ZNF385B: variants seen among roughly 807,000 people sequenced by gnomAD.
ZNF385B encodes the protein zinc finger protein 533.
A neutral mutation model predicts 39.2 loss-of-function variants in ZNF385B; 23 were observed. That is an observed-to-expected ratio of 0.59 (90% CI 0.42 to 0.83). The LOEUF is 0.83. ZNF385B is among the 40% of genes least tolerant of loss of function. The probability of loss-of-function intolerance (pLI) is 0.00; values close to 1 mark genes in which losing one functional copy is unlikely to be tolerated. For missense variants in ZNF385B, 552 were observed against 598.9 expected, an observed-to-expected ratio of 0.92 and a Z score of 0.82; for synonymous variants, 205 against 222.6, an observed-to-expected ratio of 0.92 and a Z score of 0.70.
intron 1 of ZNF385B, among the ~76,000 whole-genome samples, chr2:179,785,173 A>G (rs552344126): frequency 2.0e-5 from 3 of 152,214 alleles, no homozygotes; most frequent in Admixed American, 2.0e-4. Flanking sequence ...AAACAAATCA[A>G]TGCTCTTAGA....
intron 4 of ZNF385B, among the ~76,000 whole-genome samples, chr2:179,533,080 T>A (rs1427356217): frequency 6.6e-6 from 1 of 152,168 alleles, no homozygotes; most frequent in Non-Finnish European, 1.5e-5. Context: ...AAATGAAGGT[T>A]CCCCAGATGC....
At chr2:179,596,432 T>C (rs950784920) in intron 3 of ZNF385B, among the ~76,000 whole-genome samples, 2 of 152,200 alleles carry the variant, frequency 1.3e-5, no homozygotes, top group East Asian at 1.9e-4. Context: ...TCTGCTGATA[T>C]AATTTTCTCA....
chr2:179,548,679 T>C (rs765528322), intron 3 of ZNF385B, among the ~76,000 whole-genome samples: 1 of 149,362 alleles, frequency 6.7e-6, no homozygotes, highest in Non-Finnish European at 1.5e-5. Context: ...ATGTCTCACA[T>C]GGTGGCAGGC....
At chr2:179,767,064 C>T (rs1036741150) in intron 3 of ZNF385B, among the ~76,000 whole-genome samples, 1 of 152,162 alleles carries the variant, frequency 6.6e-6, no homozygotes, top group Non-Finnish European at 1.5e-5. Context: ...GAACAGACGA[C>T]ACAATCTTGC....
chr2:179,696,326 C>CTTTTTTTTTTTTTTT (rs71029828), intron 3 of ZNF385B, among the ~76,000 whole-genome samples: 860 of 40,346 alleles, frequency 0.021, 349 homozygotes, highest in Admixed American at 0.03. Flanking sequence ...CAAACTGGGA[C>CTTTTTTTTTTTTTTT]TTTTTTTTTT....
At chr2:179,831,772 G>C (rs976242841) in intron 1 of ZNF385B, among the ~76,000 whole-genome samples, 18 of 152,270 alleles carry the variant, frequency 1.2e-4, no homozygotes, top group African/African-American at 4.3e-4. Context: ...ATCAGGAGTG[G>C]GGAGGCCATT....
At chr2:179,739,049 A>T (rs75371721) in intron 3 of ZNF385B, among the ~76,000 whole-genome samples, 12,635 of 152,252 alleles carry the variant, frequency 0.083, 609 homozygotes, top group Non-Finnish European at 0.11. Flanking sequence ...CACCACTGCA[A>T]ATTCAAATCT....
chr2:179,834,721 A>G (rs1708156264), intron 1 of ZNF385B, among the ~76,000 whole-genome samples: 1 of 152,216 alleles, frequency 6.6e-6, no homozygotes, highest in South Asian at 2.1e-4. Flanking sequence ...AATCTTAGTT[A>G]TTGATTGCAA....
intron 1 of ZNF385B, among the ~76,000 whole-genome samples, chr2:179,798,257 T>A (rs1001701227): frequency 6.6e-6 from 1 of 151,976 alleles, no homozygotes; most frequent in Non-Finnish European, 1.5e-5. Flanking sequence ...GCTTCCTATC[T>A]CTTCTTTATT....
chr2:179,756,385 G>A (rs1044878742), intron 3 of ZNF385B, among the ~76,000 whole-genome samples: 17 of 152,250 alleles, frequency 1.1e-4, no homozygotes, highest in African/African-American at 3.4e-4. Flanking sequence ...TGGGTAACCC[G>A]ACCTTTCTCT....
At chr2:179,537,316 AT>A (rs68166003) in intron 4 of ZNF385B, among the ~76,000 whole-genome samples, 43,404 of 142,750 alleles carry the variant, frequency 0.3, 6,640 homozygotes, top group Middle Eastern at 0.44. Context: ...AAAAAAAAAA[AT>A]AAATAAAAAA....
At position 179,607,165 on chromosome 2, in the gene ZNF385B, A is replaced by G. The variant is rs146381752; in HGVS notation, c.299-62196T>C. 3.5e-4 allele frequency among the ~76,000 whole-genome samples: 53 copies of G among 152,272 alleles called. 1 individual carries two copies. The East Asian group carries it at 0.01, about 29-fold the overall frequency. On this transcript the variant is annotated intron_variant, in intron 3 of 9. Coordinates refer to ENST00000410066, the MANE Select transcript of ZNF385B (RefSeq NM_152520.6). ...GGGATGAATAAGAATGGGCCTGAGT[A>G]TTCGAGATTCACAAATGCACCACAT...
chr2:179,836,765 G>A (rs1480699371), intron 1 of ZNF385B, among the ~76,000 whole-genome samples: 2 of 151,928 alleles, frequency 1.3e-5, no homozygotes, highest in African/African-American at 2.4e-5. Flanking sequence ...TGATCCACCC[G>A]CCTCGGCCTC....
chr2:179,456,708 C>T (rs2050743223), intron 6 of ZNF385B, among the ~76,000 whole-genome samples: 1 of 152,106 alleles, frequency 6.6e-6, no homozygotes, highest in South Asian at 2.1e-4. Flanking sequence ...AAATACTAGC[C>T]TAATGGCTGT....
chr2:179,761,774 T>C (rs1703411646), intron 3 of ZNF385B, among the ~76,000 whole-genome samples: 1 of 148,590 alleles, frequency 6.7e-6, no homozygotes, highest in Admixed American at 6.7e-5. Context: ...TTTTTTTTTT[T>C]TTTTTTTGCT....
intron 1 of ZNF385B, among the ~76,000 whole-genome samples, chr2:179,787,410 CT>C (rs1405671711): frequency 6.6e-6 from 1 of 151,794 alleles, no homozygotes; most frequent in Non-Finnish European, 1.5e-5. Flanking sequence ...GTATAGAAGC[CT>C]TAAAACCAAT....
chr2:179,832,878 C>T (rs749689907), intron 1 of ZNF385B, among the ~76,000 whole-genome samples: 1 of 152,078 alleles, frequency 6.6e-6, no homozygotes, highest in Admixed American at 6.5e-5. Flanking sequence ...GCTGACATTA[C>T]CTTCAACAAG....
chr2:179,800,394 C>T (rs1191751084), intron 1 of ZNF385B, among the ~76,000 whole-genome samples: 1 of 152,090 alleles, frequency 6.6e-6, no homozygotes, highest in South Asian at 2.1e-4. Context: ...TAAAATTGTT[C>T]ATTCTTGCCT....
chr2:179,443,633 G>A lies in ZNF385B; in HGVS notation c.1243-165C>T, dbSNP rs368411383. ...CATTATTTTCACAATGCTGGTTTCA[G>A]TGGCTCATGGCATAGCTTTCTTTTA... On this transcript the variant is annotated intron_variant, in intron 9 of 9. Transcript: ENST00000410066. Among the ~76,000 whole-genome samples the A allele has an allele frequency of 2.5e-4, 38 of 152,334 alleles. No individual in the cohort carries two copies. In the East Asian group the frequency reaches 3.7e-3, roughly 15 times the overall value.
Sources: gnomAD v4.1 joint callset for allele counts (sites outside exome capture counted in the v4.1 genomes callset) on GRCh38, gnomAD v4.1.1 for gene constraint, MANE v1.5 for transcripts, NCBI Gene and HGNC (gene_info 2026-07-23, HGNC 2026-07-21) for gene names.